GAB2: variants seen among roughly 807,000 people sequenced by gnomAD.
The protein encoded by GAB2 is GRB2-associated-binding protein 2.
In GAB2, 26 loss-of-function variants were observed where a neutral mutation model predicts 65.5. The observed-to-expected ratio is 0.40, with a 90% CI of 0.29 to 0.55. The LOEUF (loss-of-function observed/expected upper bound fraction) is 0.55, where lower values mean the gene tolerates loss of function less well. Among genes scored for constraint, GAB2 ranks in the 20% least tolerant of loss-of-function variants. GAB2 has a pLI of 0.53. For missense variants in GAB2, 884 were observed against 875.8 expected, an observed-to-expected ratio of 1.01 and a Z score of -0.12; for synonymous variants, 321 against 329.6, an observed-to-expected ratio of 0.97 and a Z score of 0.28.
rs1250126638 is a variant in GAB2, at chr11:78,307,433, T to C, written c.76-26532A>G. On this transcript the variant is annotated intron_variant, in intron 1 of 9. Coordinates refer to ENST00000361507, the MANE Select transcript of GAB2 (RefSeq NM_080491.3). ...TGAAATTTGTGATGGGGAAAATAAATAAAGGAAAAAATAAATCACAGAAAA... is the reference window on the plus strand; with the variant it reads ...TGAAATTTGTGATGGGGAAAATAAACAAAGGAAAAAATAAATCACAGAAAA... 3.3e-5 allele frequency among the ~76,000 whole-genome samples: 5 copies of C among 151,728 alleles called. No individual in the cohort carries two copies. The South Asian group carries it at 8.3e-4, about 25-fold the overall frequency.
chr11:78,384,240 C>T (rs1856736996), intron 1 of GAB2, among the ~76,000 whole-genome samples: 1 of 152,192 alleles, frequency 6.6e-6, no homozygotes, highest in Non-Finnish European at 1.5e-5. Flanking sequence ...CAGATGCATG[C>T]TTGAACTCTC....
At chr11:78,266,710 T>C (rs1357724430) in intron 2 of GAB2, among the ~76,000 whole-genome samples, 1 of 152,038 alleles carries the variant, frequency 6.6e-6, no homozygotes, top group Non-Finnish European at 1.5e-5. Flanking sequence ...GAAGCAGACA[T>C]AGAGGAGGCA....
At chr11:78,379,812 T>G (rs1184978930) in intron 1 of GAB2, among the ~76,000 whole-genome samples, 1 of 151,202 alleles carries the variant, frequency 6.6e-6, no homozygotes, top group Non-Finnish European at 1.5e-5. Flanking sequence ...TTTCAGTAGT[T>G]GTGAGACTTT....
chr11:78,318,731 C>T (rs944220874), intron 1 of GAB2, among the ~76,000 whole-genome samples: 4 of 152,110 alleles, frequency 2.6e-5, no homozygotes, highest in African/African-American at 7.2e-5. Context: ...TTCTGAATGT[C>T]CCCAGGTCCA....
intron 2 of GAB2, among the ~76,000 whole-genome samples, chr11:78,257,104 C>T (rs1865614732): frequency 6.6e-6 from 1 of 151,916 alleles, no homozygotes; most frequent in African/African-American, 2.4e-5. Context: ...GCCCAGCATA[C>T]AAACACTCCT....
At chr11:78,226,395 C>T in intron 4 of GAB2, 70 bp downstream of exon 4, 2 of 1,223,382 alleles carry the variant, frequency 1.6e-6, no homozygotes, top group Non-Finnish European at 1.2e-6. Flanking sequence ...TGACCAAGGA[C>T]CATCAAACTA....
chr11:78,391,159 G>A (rs1437446246), intron 1 of GAB2, among the ~76,000 whole-genome samples: 1 of 152,130 alleles, frequency 6.6e-6, no homozygotes, highest in Non-Finnish European at 1.5e-5. Context: ...GCTGGATGTG[G>A]TGCCATGCAC....
intron 1 of GAB2, among the ~76,000 whole-genome samples, chr11:78,361,395 G>A (rs1036023665): frequency 6.6e-6 from 1 of 151,750 alleles, no homozygotes; most frequent in East Asian, 1.9e-4. Context: ...AATCCTGCAT[G>A]GCAACACGGA....
At chr11:78,293,344 A>C (rs923104284) in intron 1 of GAB2, among the ~76,000 whole-genome samples, 2 of 152,202 alleles carry the variant, frequency 1.3e-5, no homozygotes, top group African/African-American at 2.4e-5. Context: ...TATCTCCAGC[A>C]TTTATTTAGC....
chr11:78,333,695 T>G (rs1267613385), intron 1 of GAB2, among the ~76,000 whole-genome samples: 1 of 152,202 alleles, frequency 6.6e-6, no homozygotes, highest in Non-Finnish European at 1.5e-5. Flanking sequence ...TCACCATGGG[T>G]GATCTAAAAC....
chr11:78,413,378 T>C (rs1857153742), intron 1 of GAB2, among the ~76,000 whole-genome samples: 1 of 152,014 alleles, frequency 6.6e-6, no homozygotes, highest in Non-Finnish European at 1.5e-5. Context: ...AAAGGAGAAA[T>C]AACAGGCATT....
intron 3 of GAB2, among the ~76,000 whole-genome samples, chr11:78,248,287 C>T (rs981630841): frequency 3.9e-5 from 6 of 152,090 alleles, no homozygotes; most frequent in South Asian, 2.1e-4. Context: ...GATGTTTCTA[C>T]GTTTGTTCTC....
At chr11:78,263,081 C>T (rs1383266493) in intron 2 of GAB2, among the ~76,000 whole-genome samples, 1 of 152,210 alleles carries the variant, frequency 6.6e-6, no homozygotes, top group Non-Finnish European at 1.5e-5. Context: ...AAAGTTCTCA[C>T]TCTGGTTTGC....
chr11:78,261,743 T>C (rs558130613), intron 2 of GAB2, among the ~76,000 whole-genome samples: 2 of 152,088 alleles, frequency 1.3e-5, no homozygotes, highest in African/African-American at 2.4e-5. Flanking sequence ...CCCCAAAGGG[T>C]GGCCTATGCT....
chr11:78,385,181 A>G (rs1856750734), intron 1 of GAB2, among the ~76,000 whole-genome samples: 1 of 152,260 alleles, frequency 6.6e-6, no homozygotes, highest in Non-Finnish European at 1.5e-5. Context: ...GGTGATACAC[A>G]CAGGGTATAG....
intron 1 of GAB2, among the ~76,000 whole-genome samples, chr11:78,281,128 A>AT (rs1197697945): frequency 2.0e-5 from 3 of 151,692 alleles, no homozygotes; most frequent in African/African-American, 4.8e-5. Flanking sequence ...TAATTAAAAC[A>AT]TTTTTTTGTA....
intron 1 of GAB2, among the ~76,000 whole-genome samples, chr11:78,292,825 G>A (rs557272997): frequency 6.6e-6 from 1 of 152,300 alleles, no homozygotes; most frequent in South Asian, 2.1e-4. Context: ...CTTGCTACCT[G>A]CCATGTGCTT....
At chr11:78,400,809 C>T (rs1190688577) in intron 1 of GAB2, among the ~76,000 whole-genome samples, 1 of 134,354 alleles carries the variant, frequency 7.4e-6, no homozygotes, top group Non-Finnish European at 1.5e-5. Context: ...GAGGCTAAGG[C>T]ACAAGAATTG....
At position 78,291,566 on chromosome 11, in the gene GAB2, T is replaced by C. The variant is rs1191031106; in HGVS notation, c.76-10665A>G. On this transcript the variant is annotated intron_variant, in intron 1 of 9. Coordinates refer to ENST00000361507, the MANE Select transcript of GAB2 (RefSeq NM_080491.3). ...AGACTTACTTTTTTCTTTTTCTTTT[T>C]TTTTTTTTTTTTTTTTTTTTTTTGC... Among the ~76,000 whole-genome samples the C allele has an allele frequency of 1.5e-3, 144 of 97,046 alleles. 2 individuals are homozygous for C. Among genetic ancestry groups the C allele is most frequent in the African/African-American group, 6.0e-3 (123 of 20,592 alleles). The allele number at this position is 97,046 out of a possible 152,430, so 63.7% of individuals were successfully genotyped here. A position where few individuals can be genotyped will look rare whatever the true frequency, so the allele number is the denominator to read the frequency against.
Sources: gnomAD v4.1 joint callset for allele counts (sites outside exome capture counted in the v4.1 genomes callset) on GRCh38, gnomAD v4.1.1 for gene constraint, MANE v1.5 for transcripts, NCBI Gene and HGNC (gene_info 2026-07-23, HGNC 2026-07-21) for gene names.